The following PRRC2B variants were observed in gnomAD, a reference collection of about 807,000 sequenced individuals.
The protein encoded by PRRC2B is protein PRRC2B.
A neutral mutation model predicts 242.3 loss-of-function variants in PRRC2B; 68 were observed. The observed-to-expected ratio is 0.28, with a 90% CI of 0.23 to 0.34. PRRC2B has a LOEUF of 0.34. Ranked by LOEUF, PRRC2B falls within the 10% of genes least tolerant of loss-of-function variation. The pLI is 1.00. For missense variants in PRRC2B, 2,835 were observed against 2,954.8 expected (o/e 0.96, Z 0.94); for synonymous variants, 1,228 against 1,173.6 (o/e 1.05, Z -0.95).
chr9:131,440,732 CAGA>C (rs1010756835), intron 5 of PRRC2B, among the ~76,000 whole-genome samples: 15 of 152,068 alleles, frequency 9.9e-5, no homozygotes, highest in African/African-American at 3.1e-4. Flanking sequence ...AGAAAAAAAG[CAGA>C]AGTTTTCTAT....
rs776918965 is a variant in PRRC2B at position 131,499,124 on chromosome 9, C to G, written c.*3250C>G. The G allele has an allele frequency of 2.6e-5, 4 of 152,242 alleles. No homozygotes were observed. The highest frequency in any genetic ancestry group is 5.9e-5 in the Non-Finnish European group (4 of 68,036). 9.4% of individuals were successfully genotyped at this position (152,242 alleles called of 1,614,324 possible). The stretch of plus-strand genomic sequence containing the variant: ...TCCAAAGCTGTGGTCCTTCCAGCCA[C>G]TTCTAGGGACACTGGGGAACCTTGT... On this transcript the variant is annotated 3_prime_UTR_variant, in exon 32 of 32. Transcript: ENST00000683519.
chr9:131,394,827 G>T (rs1024863059), intron 1 of PRRC2B, among the ~76,000 whole-genome samples: 6 of 152,060 alleles, frequency 3.9e-5, no homozygotes, highest in Non-Finnish European at 8.8e-5. Context: ...GCGGCTGGGG[G>T]AGGGAGGCGA....
intron 13 of PRRC2B, 112 bp downstream of exon 13, chr9:131,467,865 C>T: frequency 9.4e-7 from 1 of 1,065,492 alleles, no homozygotes; most frequent in South Asian, 1.6e-5. Flanking sequence ...GCCAGAATAT[C>T]CCTTATGTGC....
At chr9:131,471,833 G>T (rs1194930621) in intron 14 of PRRC2B, among the ~76,000 whole-genome samples, 1 of 152,136 alleles carries the variant, frequency 6.6e-6, no homozygotes, top group Non-Finnish European at 1.5e-5. Context: ...GTATTCTCTG[G>T]TTGGAGATAG....
chr9:131,488,117 A>G, intron 28 of PRRC2B, 21 bp downstream of exon 28: 1 of 1,604,164 alleles, frequency 6.2e-7, no homozygotes, highest in Non-Finnish European at 8.5e-7. Context: ...CAGTCACTCT[A>G]CCCAAAGCCC....
At chr9:131,447,952 C>A in intron 9 of PRRC2B, 148 bp downstream of exon 9, 2 of 702,948 alleles carry the variant, frequency 2.8e-6, no homozygotes, top group Non-Finnish European at 4.2e-6. Flanking sequence ...CTGATGCCCT[C>A]CTTCCTCATT....
Position 131,499,953 on chromosome 9 carries a change from A to G in PRRC2B, c.*4079A>G, listed in dbSNP as rs999831953. On this transcript the variant is annotated 3_prime_UTR_variant, in exon 32 of 32. Coordinates refer to ENST00000683519, the MANE Select transcript of PRRC2B (RefSeq NM_013318.4). ...CTCTTTGTCTTTCCATGTAGACCAG[A>G]TATTTGAAAGGGCAGACGATGGCTA... 6 of 152,126 alleles carry G rather than the reference A, an allele frequency of 3.9e-5. No homozygotes were observed. Among genetic ancestry groups the G allele is most frequent in the Non-Finnish European group, 5.9e-5 (4 of 68,038 alleles). 9.4% of individuals were successfully genotyped at this position (152,126 alleles called of 1,614,324 possible).
chr9:131,474,967 C>A lies in PRRC2B; in HGVS notation c.2838C>A (p.Val946=). 6.3e-7 allele frequency: 1 copy of A among 1,597,086 alleles called. No individual in the cohort carries two copies. Among genetic ancestry groups the A allele is most frequent in the Non-Finnish European group, 8.5e-7 (1 of 1,172,114 alleles). ...TRRSGPIKKP[V]LKALKVEDKE... is the part of the protein sequence containing the mutation. ...GGTCGGGACCCATCAAGAAACCAGT[C>A]CTGAAAGCCCTCAAGGTGGAAGACA... The change falls in exon 16 of 32, where the codon GTC becomes GTA. Residue 946 remains valine, a synonymous_variant. Coordinates refer to ENST00000683519, the MANE Select transcript of PRRC2B (RefSeq NM_013318.4).
rs1170886746 is a variant in PRRC2B at position 131,485,781 on chromosome 9, C to A, written c.5759-304C>A. 1.1e-4 allele frequency: 70 copies of A among 653,194 alleles called. No homozygotes were observed. The East Asian group carries it at 2.3e-3, about 21-fold the overall frequency. The allele number at this position is 653,194 out of a possible 1,614,324, so 40.5% of individuals were successfully genotyped here. ...GCAGCCCTGGTTAAAGTAGAATGCC[C>A]CTTCGAGTGTCTGGGGTAGTTGGTG... On this transcript the variant is annotated intron_variant, in intron 25 of 31. Coordinates refer to ENST00000683519, the MANE Select transcript of PRRC2B (RefSeq NM_013318.4).
intron 9 of PRRC2B, among the ~76,000 whole-genome samples, chr9:131,453,388 A>C (rs565481295): frequency 2.6e-5 from 4 of 152,138 alleles, no homozygotes; most frequent in Middle Eastern, 3.4e-3. Flanking sequence ...TACCTTTTAA[A>C]TTTTTTTAAT....
intron 9 of PRRC2B, among the ~76,000 whole-genome samples, chr9:131,449,611 T>C (rs186485655): frequency 6.6e-6 from 1 of 152,320 alleles, no homozygotes; most frequent in African/African-American, 2.4e-5. Context: ...TTTTAAAAAA[T>C]TGAGTGGTAG....
chr9:131,471,892 TG>T (rs1006730182), intron 14 of PRRC2B, among the ~76,000 whole-genome samples: 1 of 152,234 alleles, frequency 6.6e-6, no homozygotes, highest in African/African-American at 2.4e-5. Flanking sequence ...TCTTCATCAT[TG>T]CAAGTTTTTA....
At chr9:131,477,626 G>C in intron 16 of PRRC2B, 118 bp from the exon 17 acceptor site, 1 of 643,924 alleles carries the variant, frequency 1.6e-6, no homozygotes, top group South Asian at 1.9e-5. Flanking sequence ...CACCCGAGGA[G>C]TCAGCTAGAG....
chr9:131,398,754 G>C (rs1201504322), intron 1 of PRRC2B, among the ~76,000 whole-genome samples: 1 of 152,136 alleles, frequency 6.6e-6, no homozygotes, highest in Non-Finnish European at 1.5e-5. Flanking sequence ...CAAGGCAGGT[G>C]GATTGCTTGA....
chr9:131,483,416 G>T lies in PRRC2B; in HGVS notation c.5431G>T (p.Val1811Phe). The T allele has an allele frequency of 6.2e-7, 1 of 1,613,930 alleles. No homozygotes were observed. The highest frequency in any genetic ancestry group is 1.1e-5 in the South Asian group (1 of 91,076). ...SASGPTGSPV[V>F]KLQDALASNA... ...CTCTGGTCCTACTGGGAGTCCAGTTGTTAAACTTCAGGATGCCTTGGCCAG... is the reference window on the plus strand; with the variant it reads ...CTCTGGTCCTACTGGGAGTCCAGTTTTTAAACTTCAGGATGCCTTGGCCAG... The change falls in exon 23 of 32, where the codon GTT (valine) becomes TTT (phenylalanine). Residue 1811 changes from valine (V) to phenylalanine (F), a missense_variant. This residue lies in a region of PRRC2B where 574 missense variants were observed against 626.0 expected (regional missense o/e 0.92). Coordinates refer to ENST00000683519, the MANE Select transcript of PRRC2B (RefSeq NM_013318.4).
chr9:131,401,289 G>A (rs1249468878), intron 1 of PRRC2B, among the ~76,000 whole-genome samples: 1 of 151,700 alleles, frequency 6.6e-6, no homozygotes, highest in Non-Finnish European at 1.5e-5. Context: ...TCTCCAGAAC[G>A]TTCTCATCTT....
intron 1 of PRRC2B, among the ~76,000 whole-genome samples, chr9:131,375,356 G>T (rs12347490): frequency 6.6e-6 from 1 of 151,978 alleles, no homozygotes; most frequent in Admixed American, 6.6e-5. Context: ...CCGAGATTGC[G>T]TCACAGCACT....
chr9:131,417,834 G>A (rs1488362276), intron 1 of PRRC2B, among the ~76,000 whole-genome samples: 2 of 152,182 alleles, frequency 1.3e-5, no homozygotes, highest in Non-Finnish European at 2.9e-5. Context: ...TTATGTACAC[G>A]GGTGTGGGAG....
chr9:131,472,782 T>C (rs1943582738), intron 14 of PRRC2B, among the ~76,000 whole-genome samples: 2 of 152,148 alleles, frequency 1.3e-5, no homozygotes, highest in Non-Finnish European at 2.9e-5. Flanking sequence ...CCCAGCCTTA[T>C]TGGGATTATT....
Sources: gnomAD v4.1 joint callset for allele counts (sites outside exome capture counted in the v4.1 genomes callset) on GRCh38, gnomAD v4.1.1 for gene constraint, gnomAD v4.1.1 regional missense constraint, MANE v1.5 for transcripts, NCBI Gene and HGNC (gene_info 2026-07-23, HGNC 2026-07-21) for gene names.